PXDN: variants seen among roughly 807,000 people sequenced by gnomAD.
PXDN encodes peroxidasin homolog.
In PXDN, 77 loss-of-function variants were observed where a neutral mutation model predicts 140.3. That is an observed-to-expected ratio of 0.55 (90% CI 0.46 to 0.66). The LOEUF (loss-of-function observed/expected upper bound fraction) is 0.66. Ranked by LOEUF, PXDN falls within the 30% of genes least tolerant of loss-of-function variation. The probability of loss-of-function intolerance (pLI) is 0.00; values close to 1 mark genes in which losing one functional copy is unlikely to be tolerated. For missense variants in PXDN, 1,838 were observed against 2,039.5 expected, an observed-to-expected ratio of 0.90 and a Z score of 1.90; for synonymous variants, 911 against 857.4, an observed-to-expected ratio of 1.06 and a Z score of -1.09.
Position 1,649,957 on chromosome 2 carries a change from C to T in PXDN, c.2105-282G>A, listed in dbSNP as rs1343319692. 6.6e-6 allele frequency among the ~76,000 whole-genome samples: 1 copy of T among 152,140 alleles called. No individual in the cohort carries two copies. The highest frequency in any genetic ancestry group is 1.9e-4 in the East Asian group (1 of 5,168). On this transcript the variant is annotated intron_variant, in intron 16 of 22. Transcript: ENST00000252804. The surrounding 1 kb of genome is among the most constrained non-coding windows in gnomAD (Gnocchi z 7.1). ...CACTTAGCAGTCTCATGGTTTCAAC[C>T]AGCAGCTCTCCTCTGGGAGACCCCT...
At chr2:1,726,636 CTTGTTTGTTTT>C (rs1006273519) in intron 1 of PXDN, among the ~76,000 whole-genome samples, 3 of 151,976 alleles carry the variant, frequency 2.0e-5, no homozygotes, top group Admixed American at 6.6e-5. Context: ...TTTTAGCAAG[CTTGTTTGTTTT>C]TTGTTTGTTT....
chr2:1,641,077 A>G (rs1419542551), intron 19 of PXDN, among the ~76,000 whole-genome samples: 1 of 152,262 alleles, frequency 6.6e-6, no homozygotes, highest in African/African-American at 2.4e-5. Context: ...GACCCCACAC[A>G]GCACTTGTTG....
chr2:1,711,195 C>T (rs1365680759), intron 1 of PXDN, among the ~76,000 whole-genome samples: 1 of 100,252 alleles, frequency 1.0e-5, no homozygotes. Flanking sequence ...CCCGCTCCAC[C>T]AGCACCCGCT....
chr2:1,683,289 C>T (rs1044107019), intron 6 of PXDN, among the ~76,000 whole-genome samples: 5 of 151,660 alleles, frequency 3.3e-5, no homozygotes, highest in Non-Finnish European at 5.9e-5. Context: ...GGCATGGTGG[C>T]ATGTGCCTAT....
upstream of PXDN, chr2:1,744,534 C>A: frequency 8.2e-7 from 1 of 1,222,034 alleles, no homozygotes; most frequent in Non-Finnish European, 1.0e-6. Context: ...GGCCGCGGCC[C>A]ACGTCCCAGC....
intron 1 of PXDN, among the ~76,000 whole-genome samples, chr2:1,743,663 GAA>G (rs1685604163): frequency 7.8e-6 from 1 of 128,996 alleles, no homozygotes; most frequent in Non-Finnish European, 1.7e-5. Context: ...AGGAGGAGGG[GAA>G]GGGAGGAGGA....
Position 1,714,275 on chromosome 2 carries a change from C to G in PXDN, c.201-21141G>C, listed in dbSNP as rs571274588. Among the ~76,000 whole-genome samples, 2 of 152,312 alleles carry G rather than the reference C, an allele frequency of 1.3e-5. No homozygotes were observed. The highest frequency in any genetic ancestry group is 3.9e-4 in the East Asian group (2 of 5,166). Reference sequence around the variant, plus strand: ...TTGAGGGGTCAACCCCAGCCCAGGTCAAGCCCTCCAAAACCCCAGGAGCCA... The same window carrying G: ...TTGAGGGGTCAACCCCAGCCCAGGTGAAGCCCTCCAAAACCCCAGGAGCCA... On this transcript the variant is annotated intron_variant, in intron 1 of 22. Transcript: ENST00000252804. This position sits in a 1 kb window ranked among gnomAD's most constrained non-coding sequence, Gnocchi z 4.3.
intron 14 of PXDN, among the ~76,000 whole-genome samples, chr2:1,657,435 C>T (rs373588731): frequency 2.6e-5 from 4 of 151,822 alleles, no homozygotes; most frequent in Admixed American, 6.6e-5. Flanking sequence ...TGAAACCTGC[C>T]GCCTCCTGTC....
At position 1,639,589 on chromosome 2, in the gene PXDN, G is replaced by T. The variant is rs977048038; in HGVS notation, c.3953-167C>A. 6.6e-6 allele frequency among the ~76,000 whole-genome samples: 1 copy of T among 152,126 alleles called. No homozygotes were observed. Among genetic ancestry groups the T allele is most frequent in the Non-Finnish European group, 1.5e-5 (1 of 68,030 alleles). ...TGGTCTGCGGCTCTTACCCTCTCCTGGTCTGAGGGGCCAAGCCTCTCTCCA... is the reference window on the plus strand; with the variant it reads ...TGGTCTGCGGCTCTTACCCTCTCCTTGTCTGAGGGGCCAAGCCTCTCTCCA... On this transcript the variant is annotated intron_variant, in intron 19 of 22. Transcript: ENST00000252804. The surrounding 1 kb of genome is among the most constrained non-coding windows in gnomAD (Gnocchi z 5.0).
chr2:1,734,865 C>T (rs536478802), intron 1 of PXDN, among the ~76,000 whole-genome samples: 3 of 152,232 alleles, frequency 2.0e-5, no homozygotes, highest in African/African-American at 7.2e-5. Flanking sequence ...GACTCCATCT[C>T]TCAATAAATA....
chr2:1,709,267 C>T (rs1247216926), intron 1 of PXDN, among the ~76,000 whole-genome samples: 3 of 152,164 alleles, frequency 2.0e-5, no homozygotes, highest in Non-Finnish European at 2.9e-5. Flanking sequence ...GTGACCACGG[C>T]GCTCGCTGCA....
rs774071294 is a variant in PXDN at position 1,648,697 on chromosome 2, T to C, written c.3083A>G (p.His1028Arg). 265 of 1,606,908 alleles carry C rather than the reference T, an allele frequency of 1.6e-4. No individual in the cohort carries two copies. Among genetic ancestry groups the C allele is most frequent in the Admixed American group, 2.7e-4 (16 of 59,132 alleles). Residue 1028 changes from histidine (H) to arginine (R), a missense_variant, in exon 17 of 23, where the codon CAC becomes CGC. Around this residue, in one of 5 missense-constraint regions of PXDN, gnomAD observed 850 missense variants for 894.1 expected, o/e 0.95. Transcript: ENST00000252804. This position sits in a 1 kb window ranked among gnomAD's most constrained non-coding sequence, Gnocchi z 8.9. ...CGGGAGCCAGTGCTGGTAGGTGATG[T>C]GCTGGATCTCCGCACCCACGATCTT... ...TRKIVGAEIQHITYQHWLPKI... is the reference protein window; with the variant it reads ...TRKIVGAEIQRITYQHWLPKI...
chr2:1,688,686 A>G (rs1684119164), intron 3 of PXDN, among the ~76,000 whole-genome samples: 1 of 152,194 alleles, frequency 6.6e-6, no homozygotes, highest in African/African-American at 2.4e-5. Flanking sequence ...CCTGGGCTCC[A>G]TCTCTGACAT....
In PXDN at chr2:1,644,649, T is replaced by G; in HGVS notation, c.3712A>C (p.Thr1238Pro). 1.2e-6 allele frequency: 2 copies of G among 1,608,836 alleles called. No individual in the cohort carries two copies. The highest frequency in any genetic ancestry group is 1.7e-6 in the Non-Finnish European group (2 of 1,176,562). ...CCATCTCGCAGGCGCTTGAACTGTG[T>G]GCTGAGAAGACACATCAGGGTGGGG... ...LGPTLMCLLS[T>P]QFKRLRDGDR... The change falls in exon 18 of 23, where the codon ACA (threonine) becomes CCA (proline). Residue 1238 changes from threonine to proline, a missense_variant. Transcript: ENST00000252804.
intron 1 of PXDN, among the ~76,000 whole-genome samples, chr2:1,696,919 G>A (rs1029639404): frequency 1.3e-5 from 2 of 152,122 alleles, no homozygotes; most frequent in African/African-American, 4.8e-5. Flanking sequence ...AGAAGCCAAC[G>A]TTCGTTTCAA....
Position 1,684,101 on chromosome 2 carries a change from T to C in PXDN, c.467A>G (p.His156Arg), listed in dbSNP as rs1366924331. 3.2e-6 allele frequency: 5 copies of C among 1,587,102 alleles called. No individual in the cohort carries two copies. The highest frequency in any genetic ancestry group is 2.3e-5 in the East Asian group (1 of 43,872). ...TCACAGCCTCTCGAGCTTCGGGAGA[T>C]GCTGGAACGAATCTGGGTCCAAAGT... Reference protein sequence around the residue: ...IETLDPDSFQHLPKLERLFLH... With the variant: ...IETLDPDSFQRLPKLERLFLH... The change falls in exon 5 of 23, where the codon CAT becomes CGT. Residue 156 changes from histidine (H) to arginine (R), a missense_variant. Coordinates refer to ENST00000252804, the MANE Select transcript of PXDN (RefSeq NM_012293.3).
intron 14 of PXDN, among the ~76,000 whole-genome samples, chr2:1,655,827 C>CCA (rs201995861): frequency 6.6e-6 from 1 of 151,302 alleles, no homozygotes; most frequent in Non-Finnish European, 1.5e-5. Context: ...GACGCACACA[C>CCA]CACACACACA....
At chr2:1,720,840 G>C (rs778388493) in intron 1 of PXDN, among the ~76,000 whole-genome samples, 1 of 152,000 alleles carries the variant, frequency 6.6e-6, no homozygotes, top group African/African-American at 2.4e-5. Context: ...TGGTCCTCCC[G>C]GACCGCAGCT....
chr2:1,710,994 C>CCG (rs1684756988), intron 1 of PXDN, among the ~76,000 whole-genome samples: 3 of 79,802 alleles, frequency 3.8e-5, no homozygotes, highest in Admixed American at 1.4e-4. Flanking sequence ...CCACCAGCAC[C>CCG]CACTCCACCA....
Sources: gnomAD v4.1 joint callset for allele counts (sites outside exome capture counted in the v4.1 genomes callset) on GRCh38, gnomAD v4.1.1 for gene constraint, gnomAD v4.1.1 regional missense constraint, Gnocchi (gnomAD v3.1) non-coding constraint, MANE v1.5 for transcripts, NCBI Gene and HGNC (gene_info 2026-07-23, HGNC 2026-07-21) for gene names.